ZC3H12B: variants seen among roughly 807,000 people sequenced by gnomAD.
The protein encoded by ZC3H12B is probable ribonuclease ZC3H12B.
A neutral mutation model predicts 43.9 loss-of-function variants in ZC3H12B; 7 were observed. That is an observed-to-expected ratio of 0.16 (90% CI 0.09 to 0.30). The LOEUF (loss-of-function observed/expected upper bound fraction) is 0.30. ZC3H12B is among the 10% of genes least tolerant of loss of function. The probability of loss-of-function intolerance (pLI) is 1.00; values close to 1 mark genes in which losing one functional copy is unlikely to be tolerated. For synonymous variants in ZC3H12B, 222 were observed against 241.7 expected (o/e 0.92, Z 0.76); for missense variants, 475 against 670.2 (o/e 0.71, Z 3.22).
the ZC3H12B span, among the ~76,000 whole-genome samples, chrX:65,118,874 T>C: frequency 9.9e-6 from 1 of 100,979 alleles, no homozygotes; most frequent in African/African-American, 3.6e-5. Flanking sequence ...TGTTCAATTC[T>C]CACCTATGAG....
chrX:65,466,933 T>TATA (rs1303179607), intron 3 of ZC3H12B, among the ~76,000 whole-genome samples: 6 of 42,655 alleles, frequency 1.4e-4, no homozygotes, highest in Admixed American at 6.7e-4. Flanking sequence ...TATATATATA[T>TATA]ATATATATAT....
chrX:65,202,257 A>G, the ZC3H12B span, among the ~76,000 whole-genome samples: 2 of 97,214 alleles, frequency 2.1e-5, no homozygotes, highest in Non-Finnish European at 4.1e-5. Context: ...AGACGAATAT[A>G]GTCTTTTTAT....
At chrX:65,211,935 T>C in the ZC3H12B span, among the ~76,000 whole-genome samples, 3 of 73,220 alleles carry the variant, frequency 4.1e-5, no homozygotes, top group African/African-American at 1.7e-4. Flanking sequence ...ATATAATATA[T>C]GTTATGTATA....
the ZC3H12B span, among the ~76,000 whole-genome samples, chrX:65,222,650 T>TA: frequency 5.3e-5 from 5 of 93,932 alleles, no homozygotes; most frequent in Admixed American, 2.3e-4. Flanking sequence ...ATAATAATAA[T>TA]AAAACACTTA....
chrX:65,225,965 A>T, the ZC3H12B span, among the ~76,000 whole-genome samples: 1 of 112,162 alleles, frequency 8.9e-6, no homozygotes, highest in African/African-American at 3.2e-5. Context: ...GATATTATCC[A>T]GGAGAACTTC....
chrX:65,179,405 T>TA, the ZC3H12B span, among the ~76,000 whole-genome samples: 1 of 91,042 alleles, frequency 1.1e-5, no homozygotes, highest in African/African-American at 7.7e-5. Context: ...TTAAAGTTAT[T>TA]TAAAAAAAAA....
chrX:65,144,733 A>G, the ZC3H12B span, among the ~76,000 whole-genome samples: 17 of 111,546 alleles, frequency 1.5e-4, no homozygotes, highest in East Asian at 1.4e-3. Flanking sequence ...TTTTGACCCA[A>G]TGATCATTCA....
the ZC3H12B span, among the ~76,000 whole-genome samples, chrX:65,058,232 G>A: frequency 3.6e-5 from 4 of 111,249 alleles, no homozygotes; most frequent in African/African-American, 9.8e-5. Flanking sequence ...TTTGGTCTTT[G>A]ATGATGGTGA....
At chrX:65,293,597 T>TA in the ZC3H12B span, among the ~76,000 whole-genome samples, 212 of 97,784 alleles carry the variant, frequency 2.2e-3, 1 homozygote, top group Non-Finnish European at 3.3e-3. Context: ...CTTAAAGAAA[T>TA]AAAAAAAAAA....
chrX:65,149,130 C>T, the ZC3H12B span, among the ~76,000 whole-genome samples: 1 of 111,398 alleles, frequency 9.0e-6, no homozygotes, highest in Non-Finnish European at 1.9e-5. Flanking sequence ...CTGTCTCAGG[C>T]CCCCAGGGTA....
chrX:65,227,490 A>G, the ZC3H12B span, among the ~76,000 whole-genome samples: 1 of 110,639 alleles, frequency 9.0e-6, no homozygotes, highest in East Asian at 2.8e-4. Context: ...AGCAAGAGCA[A>G]ACACATTCAA....
chrX:65,289,372 GAAC>G, the ZC3H12B span, among the ~76,000 whole-genome samples: 1 of 109,789 alleles, frequency 9.1e-6, no homozygotes, highest in South Asian at 3.8e-4. Context: ...GGCGAGGGTT[GAAC>G]AACTACCTAT....
At chrX:65,399,043 G>A (rs1449389339) in intron 3 of ZC3H12B, among the ~76,000 whole-genome samples, 1 of 112,186 alleles carries the variant, frequency 8.9e-6, no homozygotes, top group African/African-American at 3.2e-5. Flanking sequence ...TATTAAAGAC[G>A]CAAATATAAG....
the ZC3H12B span, among the ~76,000 whole-genome samples, chrX:65,125,225 T>A: frequency 8.9e-6 from 1 of 111,956 alleles, no homozygotes; most frequent in Admixed American, 9.5e-5. Flanking sequence ...ATTTTTGTCT[T>A]GATTTCATTG....
chrX:65,338,425 A>G, the ZC3H12B span, among the ~76,000 whole-genome samples: 6 of 112,186 alleles, frequency 5.3e-5, no homozygotes, highest in Non-Finnish European at 1.1e-4. Context: ...GTTGAATTCC[A>G]TTAGACATAC....
At chrX:65,114,624 C>A in the ZC3H12B span, among the ~76,000 whole-genome samples, 2 of 110,428 alleles carry the variant, frequency 1.8e-5, no homozygotes, top group African/African-American at 6.5e-5. Context: ...GTGTTTTTTA[C>A]CTTTTTCTTT....
At chrX:65,118,578 G>T in the ZC3H12B span, among the ~76,000 whole-genome samples, 1 of 110,814 alleles carries the variant, frequency 9.0e-6, no homozygotes, top group Non-Finnish European at 1.9e-5. Context: ...TGATTGCCTC[G>T]TCCAGAACTT....
chrX:65,142,176 A>AT, the ZC3H12B span, among the ~76,000 whole-genome samples: 1 of 111,921 alleles, frequency 8.9e-6, no homozygotes, highest in African/African-American at 3.2e-5. Flanking sequence ...AAAATCTACT[A>AT]TTTTTTGATT....
the ZC3H12B span, among the ~76,000 whole-genome samples, chrX:65,152,010 G>A: frequency 9.0e-6 from 1 of 111,568 alleles, no homozygotes; most frequent in Non-Finnish European, 1.9e-5. Flanking sequence ...ATACAGAAAA[G>A]GCCTTTGACA....
Sources: gnomAD v4.1 joint callset for allele counts (sites outside exome capture counted in the v4.1 genomes callset) on GRCh38, gnomAD v4.1.1 for gene constraint, MANE v1.5 for transcripts, NCBI Gene and HGNC (gene_info 2026-07-23, HGNC 2026-07-21) for gene names.